SCN2A: variants seen among roughly 807,000 people sequenced by gnomAD.
SCN2A encodes sodium voltage-gated channel alpha subunit 2.
A neutral mutation model predicts 188.7 loss-of-function variants in SCN2A; 20 were observed. That is an observed-to-expected ratio of 0.11 (90% confidence interval 0.07 to 0.15). SCN2A has a LOEUF of 0.15. Among genes scored for constraint, SCN2A ranks in the 10% least tolerant of loss-of-function variants. SCN2A has a pLI of 1.00. For missense variants in SCN2A, 1,278 were observed against 2,445.0 expected (o/e 0.52, Z 10.07); for synonymous variants, 804 against 833.1 (o/e 0.97, Z 0.60).
Position 165,313,161 on chromosome 2 carries a change from T to C in SCN2A, c.1035-459T>C, listed in dbSNP as rs116211242. 3.3e-3 allele frequency among the ~76,000 whole-genome samples: 503 copies of C among 152,176 alleles called. 3 individuals are homozygous for C. The highest frequency in any genetic ancestry group is 0.012 in the African/African-American group (481 of 41,534). On this transcript the variant is annotated intron_variant, in intron 8 of 26. Transcript: ENST00000375437. ...CATTGAAGCCAGGTCTGCTTGATCT[T>C]CAAGGTCCTCCTATGACATTTTTAC...
rs1574572138 is a variant in SCN2A, at chr2:165,315,546, T to C, written c.1459T>C (p.Ser487Pro). The change falls in exon 11 of 27, where the codon TCT becomes CCT. Residue 487 changes from serine to proline, a missense_variant. This residue lies in a region of SCN2A where 315 missense variants were observed against 386.6 expected (regional missense o/e 0.81). Coordinates refer to ENST00000375437, the MANE Select transcript of SCN2A (RefSeq NM_001040142.2). ...TGGGATAGGAGTTTTTTCAGAGAGT[T>C]CTTCAGTAGCATCTAAGTTGAGCTC... ...AGGIGVFSES[S>P]SVASKLSSKS... is the part of the protein sequence containing the mutation. 8 of 1,613,988 alleles carry C rather than the reference T, an allele frequency of 5.0e-6. No homozygotes were observed. Among genetic ancestry groups the C allele is most frequent in the Non-Finnish European group, 6.8e-6 (8 of 1,179,932 alleles).
At chr2:165,328,632 G>A (rs1316592772) in intron 13 of SCN2A, 1 of 390,014 alleles carries the variant, frequency 2.6e-6, no homozygotes, top group Non-Finnish European at 3.5e-6. Flanking sequence ...ATATCCACAA[G>A]ATTGGACTTG....
intron 1 of SCN2A, among the ~76,000 whole-genome samples, chr2:165,246,435 G>A (rs1024786897): frequency 6.6e-6 from 1 of 152,026 alleles, no homozygotes; most frequent in African/African-American, 2.4e-5. Context: ...ACTGTGGCCT[G>A]CCCATAATCC....
chr2:165,277,309 A>G (rs1046734174), intron 1 of SCN2A, among the ~76,000 whole-genome samples: 6 of 152,220 alleles, frequency 3.9e-5, no homozygotes, highest in Non-Finnish European at 7.3e-5. Flanking sequence ...TATAATTGTT[A>G]AAAAGTAAAT....
chr2:165,281,333 A>T (rs1361601574), intron 1 of SCN2A, among the ~76,000 whole-genome samples: 3 of 152,018 alleles, frequency 2.0e-5, no homozygotes, highest in Non-Finnish European at 4.4e-5. Context: ...GATGGTGTTC[A>T]ATTTTATATA....
chr2:165,370,813 C>T (rs6750834), intron 20 of SCN2A: 5,964 of 159,130 alleles, frequency 0.037, 374 homozygotes, highest in African/African-American at 0.13. Flanking sequence ...TTTATTAAAC[C>T]ACATTGGTGT....
chr2:165,347,536 A>G (rs1699663690), intron 16 of SCN2A, among the ~76,000 whole-genome samples: 1 of 152,144 alleles, frequency 6.6e-6, no homozygotes, highest in African/African-American at 2.4e-5. Context: ...GCAAGTGTAT[A>G]TGTATGTAAC....
intron 1 of SCN2A, among the ~76,000 whole-genome samples, chr2:165,258,756 A>T (rs767496734): frequency 5.3e-5 from 8 of 152,224 alleles, no homozygotes; most frequent in Non-Finnish European, 1.0e-4. Context: ...TGCAGCCATA[A>T]AAGATTATAA....
chr2:165,361,113 T>G (rs1700438936), intron 17 of SCN2A, among the ~76,000 whole-genome samples: 1 of 151,998 alleles, frequency 6.6e-6, no homozygotes, highest in Admixed American at 6.6e-5. Context: ...TATTATGACA[T>G]TTGCCTAGAA....
rs758408742 is a variant in SCN2A at position 165,344,794 on chromosome 2, C to T, written c.2802C>T (p.Ile934=). ...HMHDFFHSFL[I]VFRVLCGEWI... ...ATGACTTTTTCCACTCCTTCCTGAT[C>T]GTGTTCCGCGTGCTGTGTGGAGAGT... The change falls in exon 16 of 27, where the codon ATC becomes ATT. Residue 934 remains isoleucine, a synonymous_variant. Transcript: ENST00000375437. The T allele has an allele frequency of 5.0e-6, 8 of 1,614,036 alleles. No individual in the cohort carries two copies. The highest frequency in any genetic ancestry group is 2.2e-5 in the East Asian group (1 of 44,896).
intron 21 of SCN2A, among the ~76,000 whole-genome samples, 166 bp from the exon 22 acceptor site, chr2:165,374,519 T>C (rs1214068263): frequency 6.6e-6 from 1 of 152,152 alleles, no homozygotes; most frequent in Admixed American, 6.6e-5. Flanking sequence ...TTCTGATTTA[T>C]AATTTTAAAA....
intron 3 of SCN2A, among the ~76,000 whole-genome samples, chr2:165,307,373 A>G (rs531050877): frequency 1.3e-5 from 2 of 152,280 alleles, no homozygotes; most frequent in African/African-American, 4.8e-5. Context: ...ATGAGCAATT[A>G]CAGTATATTA....
At chr2:165,246,662 GT>G (rs961157847) in intron 1 of SCN2A, among the ~76,000 whole-genome samples, 6 of 152,064 alleles carry the variant, frequency 3.9e-5, no homozygotes, top group Non-Finnish European at 8.8e-5. Flanking sequence ...TCCGCTCAGT[GT>G]TTTTTTGTTT....
chr2:165,345,031 C>G, intron 16 of SCN2A, 120 bp downstream of exon 16: 1 of 1,247,056 alleles, frequency 8.0e-7, no homozygotes, highest in Non-Finnish European at 1.1e-6. Flanking sequence ...TTGTCTATTA[C>G]TCATGACTGT....
intron 2 of SCN2A, 51 bp from the exon 3 acceptor site, chr2:165,296,966 T>A: frequency 2.1e-6 from 2 of 935,380 alleles, no homozygotes; most frequent in South Asian, 2.9e-5. Context: ...CTTAAAATAT[T>A]CTTAATATAT....
intron 20 of SCN2A, chr2:165,372,964 C>T: frequency 6.3e-6 from 2 of 318,940 alleles, no homozygotes; most frequent in East Asian, 6.3e-5. Flanking sequence ...AAAAAGAGCA[C>T]ATATATGGGC....
Position 165,310,725 on chromosome 2 carries a change from T to A in SCN2A, c.970+130T>A, listed in dbSNP as rs946469720. On this transcript the variant is annotated intron_variant, in intron 7 of 26. Coordinates refer to ENST00000375437, the MANE Select transcript of SCN2A (RefSeq NM_001040142.2). Reference sequence around the variant, plus strand: ...CTAATTTAAGATGATTTAATACATATAAAAGAGATATCAAATGATACCTTA... The same window carrying A: ...CTAATTTAAGATGATTTAATACATAAAAAAGAGATATCAAATGATACCTTA... 1.7e-5 allele frequency: 10 copies of A among 579,948 alleles called. No homozygotes were observed. In the South Asian group the frequency reaches 3.6e-4, roughly 21 times the overall value. 35.9% of individuals were successfully genotyped at this position (579,948 alleles called of 1,614,324 possible). A position where few individuals can be genotyped will look rare whatever the true frequency, so the allele number is the denominator to read the frequency against.
chr2:165,359,434 C>T (rs776264742), intron 17 of SCN2A, among the ~76,000 whole-genome samples: 32 of 152,064 alleles, frequency 2.1e-4, no homozygotes, highest in Admixed American at 1.4e-3. Context: ...TATCCATCAA[C>T]GTATCTAGGG....
chr2:165,329,616 A>T (rs1038405214), intron 13 of SCN2A, among the ~76,000 whole-genome samples: 2 of 151,978 alleles, frequency 1.3e-5, no homozygotes, highest in African/African-American at 4.8e-5. Flanking sequence ...TTTTTTTTCT[A>T]TCCAGTTCCT....
Sources: gnomAD v4.1 joint callset for allele counts (sites outside exome capture counted in the v4.1 genomes callset) on GRCh38, gnomAD v4.1.1 for gene constraint, gnomAD v4.1.1 regional missense constraint, MANE v1.5 for transcripts, NCBI Gene and HGNC (gene_info 2026-07-23, HGNC 2026-07-21) for gene names.